DPYS: variants seen among roughly 807,000 people sequenced by gnomAD.
DPYS encodes dihydropyrimidine amidohydrolase.
DPYS carries 39 observed loss-of-function variants against 50.3 expected under a neutral mutation model. The ratio of observed to expected loss-of-function variants is 0.78; its 90% CI spans 0.60 to 1.01. DPYS has a LOEUF of 1.01. Among genes scored for constraint, DPYS ranks in the 50% least tolerant of loss-of-function variants. The pLI, the probability that DPYS is intolerant of heterozygous loss-of-function variation, is 0.00. For synonymous variants in DPYS, 245 were observed against 250.7 expected (o/e 0.98, Z 0.22); for missense variants, 659 against 680.9 (o/e 0.97, Z 0.36).
At chr8:104,429,818 C>A in intron 4 of DPYS, 117 bp from the exon 5 acceptor site, 2 of 1,275,936 alleles carry the variant, frequency 1.6e-6, no homozygotes, top group Non-Finnish European at 1.1e-6. Flanking sequence ...TACAGTTTAG[C>A]AGAATCCCAA....
At chr8:104,395,683 A>G (rs538186058) in intron 7 of DPYS, among the ~76,000 whole-genome samples, 1 of 152,346 alleles carries the variant, frequency 6.6e-6, no homozygotes, top group East Asian at 1.9e-4. Context: ...CCGCAGTGCT[A>G]TACATTCACC....
intron 1 of DPYS, among the ~76,000 whole-genome samples, chr8:104,453,895 A>T (rs560093401): frequency 6.6e-6 from 1 of 152,256 alleles, no homozygotes; most frequent in East Asian, 1.9e-4. Context: ...ACGCTATGAC[A>T]TGGGTGAAGT....
intron 4 of DPYS, among the ~76,000 whole-genome samples, chr8:104,429,902 G>C (rs908098220): frequency 1.1e-4 from 17 of 152,138 alleles, no homozygotes; most frequent in African/African-American, 3.6e-4. Flanking sequence ...ATAAACTTCT[G>C]TAAGTATAAG....
intron 7 of DPYS, among the ~76,000 whole-genome samples, chr8:104,405,061 G>A (rs924589347): frequency 6.6e-6 from 1 of 152,170 alleles, no homozygotes; most frequent in Non-Finnish European, 1.5e-5. Flanking sequence ...GGACCTAAAA[G>A]GAGCGAGAAC....
intron 1 of DPYS, among the ~76,000 whole-genome samples, chr8:104,453,664 C>T (rs1356732921): frequency 6.6e-6 from 1 of 152,178 alleles, no homozygotes; most frequent in Non-Finnish European, 1.5e-5. Flanking sequence ...GATAGAGTTA[C>T]CACAAGACCA....
chr8:104,446,324 A>G lies in DPYS; in HGVS notation c.603+1000T>C, dbSNP rs188609642. Among the ~76,000 whole-genome samples, 30 of 152,326 alleles carry G rather than the reference A, an allele frequency of 2.0e-4. No homozygotes were observed. In the Middle Eastern group the frequency reaches 0.014, roughly 70 times the overall value. On this transcript the variant is annotated intron_variant, in intron 3 of 9. Coordinates refer to ENST00000351513, the MANE Select transcript of DPYS (RefSeq NM_001385.3). ...TTCTAATCACATTCTTTGAAAAGCA[A>G]TATCTATATTTAAGACAATATTGAT...
At chr8:104,465,148 G>A (rs770745284) in intron 1 of DPYS, among the ~76,000 whole-genome samples, 1 of 152,094 alleles carries the variant, frequency 6.6e-6, no homozygotes, top group Non-Finnish European at 1.5e-5. Flanking sequence ...ACTTGGAGAG[G>A]GGGAGGTGTA....
intron 4 of DPYS, among the ~76,000 whole-genome samples, chr8:104,443,668 G>A (rs1323479871): frequency 1.3e-5 from 2 of 152,140 alleles, no homozygotes; most frequent in Admixed American, 6.5e-5. Context: ...TGAGGCGGGT[G>A]GATGATTAGA....
chr8:104,417,845 C>T (rs1156365704), intron 7 of DPYS, among the ~76,000 whole-genome samples: 4 of 152,188 alleles, frequency 2.6e-5, no homozygotes, highest in African/African-American at 7.2e-5. Context: ...TTCCCTACTA[C>T]GCCCACTCCC....
chr8:104,460,820 G>A lies in DPYS; in HGVS notation c.264+5837C>T, dbSNP rs1313606209. Among the ~76,000 whole-genome samples, 5 of 152,130 alleles carry A rather than the reference G, an allele frequency of 3.3e-5. No homozygotes were observed. The South Asian group carries it at 8.3e-4, about 25-fold the overall frequency. On this transcript the variant is annotated intron_variant, in intron 1 of 9. Coordinates refer to ENST00000351513, the MANE Select transcript of DPYS (RefSeq NM_001385.3). ...AGGTTAAGTTTGTAATCATTAAACA[G>A]CCATTCAAGGAAACCACAGAATTAC...
At chr8:104,426,562 G>A (rs1812728231) in intron 6 of DPYS, among the ~76,000 whole-genome samples, 1 of 152,248 alleles carries the variant, frequency 6.6e-6, no homozygotes, top group Non-Finnish European at 1.5e-5. Context: ...ATTAGAGTTA[G>A]AAGTAGGTGG....
intron 7 of DPYS, among the ~76,000 whole-genome samples, chr8:104,402,855 G>A (rs926869362): frequency 6.6e-6 from 1 of 152,122 alleles, no homozygotes; most frequent in Non-Finnish European, 1.5e-5. Flanking sequence ...TAAACATGGG[G>A]CTTACAACTT....
rs548763610 is a variant in DPYS, at chr8:104,413,326, A to G, written c.1235+10921T>C. Among the ~76,000 whole-genome samples the G allele has an allele frequency of 7.3e-5, 11 of 151,476 alleles. 1 individual carries two copies. Among genetic ancestry groups the G allele is most frequent in the Admixed American group, 2.6e-4 (4 of 15,192 alleles). On this transcript the variant is annotated intron_variant, in intron 7 of 9. Transcript: ENST00000351513. Reference sequence around the variant, plus strand: ...TAAGAATACACAAAAATTATATATAATATATATTATGTAAATATATAGTCA... The same window carrying G: ...TAAGAATACACAAAAATTATATATAGTATATATTATGTAAATATATAGTCA...
At position 104,387,088 on chromosome 8, in the gene DPYS, C is replaced by A. The variant is rs550127110; in HGVS notation, c.1443+5696G>T. On this transcript the variant is annotated intron_variant, in intron 8 of 9. Transcript: ENST00000351513. ...GATGCTGGGTCAACAGCAAGCAGACCAAATGAACAGTGACTCCCTGAGAAT... is the reference window on the plus strand; with the variant it reads ...GATGCTGGGTCAACAGCAAGCAGACAAAATGAACAGTGACTCCCTGAGAAT... Among the ~76,000 whole-genome samples the A allele has an allele frequency of 3.9e-5, 6 of 152,192 alleles. No individual in the cohort carries two copies. In the South Asian group the frequency reaches 1.3e-3, roughly 32 times the overall value.
At chr8:104,449,270 G>A (rs1192270421) in intron 2 of DPYS, among the ~76,000 whole-genome samples, 1 of 152,128 alleles carries the variant, frequency 6.6e-6, no homozygotes. Context: ...TTCACATAAT[G>A]GGCTTCCAAA....
chr8:104,391,320 G>A (rs1056280186), intron 8 of DPYS, among the ~76,000 whole-genome samples: 2 of 152,190 alleles, frequency 1.3e-5, no homozygotes, highest in African/African-American at 4.8e-5. Context: ...AAAATGGAAA[G>A]AAGAGGGAGA....
At chr8:104,390,783 A>ACTGG (rs1588399748) in intron 8 of DPYS, among the ~76,000 whole-genome samples, 2 of 152,000 alleles carry the variant, frequency 1.3e-5, no homozygotes, top group East Asian at 3.9e-4. Flanking sequence ...ACAGGTGTGA[A>ACTGG]CCACCACACC....
chr8:104,430,607 G>A (rs976364816), intron 4 of DPYS, among the ~76,000 whole-genome samples: 29 of 152,246 alleles, frequency 1.9e-4, no homozygotes, highest in African/African-American at 6.7e-4. Context: ...TGAAATTAAC[G>A]ATTTCCTCAG....
chr8:104,419,068 G>A, intron 7 of DPYS: 1 of 985,364 alleles, frequency 1.0e-6, no homozygotes, highest in Non-Finnish European at 1.2e-6. Context: ...AAATGAAGGG[G>A]CACTTAAAGA....
Sources: allele counts gnomAD v4.1 joint callset (sites outside exome capture counted in the v4.1 genomes callset), GRCh38; gene constraint gnomAD v4.1.1; transcripts MANE v1.5; gene names NCBI Gene and HGNC (gene_info 2026-07-23, HGNC 2026-07-21).